Variants in TOM1L1 observed in about 807,000 individuals in gnomAD.
The protein encoded by TOM1L1 is target of myb1 like 1 membrane trafficking protein, also known as TOM1-like protein 1.
A neutral mutation model predicts 63.4 loss-of-function variants in TOM1L1; 64 were observed. The ratio of observed to expected loss-of-function variants is 1.01; its 90% confidence interval spans 0.83 to 1.24. TOM1L1 has a LOEUF of 1.24. Among genes scored for constraint, TOM1L1 ranks in the 50% most tolerant of loss-of-function variants. The pLI is 0.00. For missense variants in TOM1L1, 536 were observed against 567.0 expected (o/e 0.95, Z 0.55); for synonymous variants, 166 against 194.4 (o/e 0.85, Z 1.22).
intron 3 of TOM1L1, among the ~76,000 whole-genome samples, chr17:54,909,635 T>G (rs1009691420): frequency 2.2e-4 from 34 of 152,214 alleles, no homozygotes; most frequent in African/African-American, 8.2e-4. Flanking sequence ...ATGTTTCATT[T>G]GGGCCTTACA....
chr17:54,961,297 T>C lies in TOM1L1; in HGVS notation c.*64T>C. The C allele has an allele frequency of 6.4e-7, 1 of 1,551,578 alleles. No homozygotes were observed. ...TGCCAACTCTCTAAAACGTAGACTC[T>C]GTGCAGCTTTGAAGCCTGGAAGACA... On this transcript the variant is annotated 3_prime_UTR_variant, in exon 16 of 16. Transcript: ENST00000575882.
At chr17:54,956,471 A>C (rs1384492564) in intron 14 of TOM1L1, among the ~76,000 whole-genome samples, 2 of 151,860 alleles carry the variant, frequency 1.3e-5, no homozygotes, top group African/African-American at 4.8e-5. Flanking sequence ...ACGCCTGGCT[A>C]ATTTTTTTGT....
rs146898557 is a variant in TOM1L1, at chr17:54,906,418, G to A, written c.222+851G>A. Among the ~76,000 whole-genome samples the A allele has an allele frequency of 3.4e-3, 507 of 148,922 alleles. 2 individuals are homozygous for A. Among genetic ancestry groups the A allele is most frequent in the African/African-American group, 0.012 (475 of 40,366 alleles). Reference sequence around the variant, plus strand: ...TGGGAGGTGGAGATTGCGGTGAGTCGAGATCGCACCACTGTCCTCCAGTCC... The same window carrying A: ...TGGGAGGTGGAGATTGCGGTGAGTCAAGATCGCACCACTGTCCTCCAGTCC... On this transcript the variant is annotated intron_variant, in intron 3 of 15. Coordinates refer to ENST00000575882, the MANE Select transcript of TOM1L1 (RefSeq NM_005486.3).
chr17:54,922,344 C>T (rs912814076), intron 7 of TOM1L1, among the ~76,000 whole-genome samples: 12 of 152,042 alleles, frequency 7.9e-5, no homozygotes, highest in African/African-American at 2.9e-4. Flanking sequence ...CAGTGGCTTA[C>T]ACCTGTAATC....
At chr17:54,945,279 G>T (rs34047392) in intron 11 of TOM1L1, among the ~76,000 whole-genome samples, 1 of 151,862 alleles carries the variant, frequency 6.6e-6, no homozygotes, top group African/African-American at 2.4e-5. Context: ...AGTTACATTT[G>T]CAAAGACCAT....
chr17:54,940,255 C>T (rs1455967355), intron 11 of TOM1L1, among the ~76,000 whole-genome samples: 2 of 152,118 alleles, frequency 1.3e-5, no homozygotes, highest in Non-Finnish European at 2.9e-5. Flanking sequence ...TAAACATATG[C>T]AATGATGTTC....
chr17:54,937,001 C>T, intron 9 of TOM1L1, 108 bp from the exon 10 acceptor site: 1 of 944,554 alleles, frequency 1.1e-6, no homozygotes, highest in Non-Finnish European at 1.7e-6. Context: ...GAGAATTCTT[C>T]CTTAAAATGC....
intron 3 of TOM1L1, among the ~76,000 whole-genome samples, chr17:54,911,063 A>G (rs748666896): frequency 3.3e-5 from 5 of 152,144 alleles, no homozygotes; most frequent in Non-Finnish European, 7.4e-5. Context: ...TTAGAAATCT[A>G]CTTCCTGCAT....
intron 11 of TOM1L1, among the ~76,000 whole-genome samples, chr17:54,941,637 C>A (rs2049033933): frequency 1.3e-5 from 2 of 152,200 alleles, no homozygotes; most frequent in Admixed American, 6.5e-5. Context: ...CCCATTACAA[C>A]AAGTGTCTAT....
chr17:54,925,415 A>G (rs934580826), intron 7 of TOM1L1, among the ~76,000 whole-genome samples: 3 of 152,170 alleles, frequency 2.0e-5, no homozygotes, highest in African/African-American at 7.2e-5. Flanking sequence ...GCAAGAAGAC[A>G]GGGGATCTGG....
intron 14 of TOM1L1, chr17:54,953,705 T>G (rs1158611794): frequency 1.3e-5 from 2 of 152,324 alleles, no homozygotes; most frequent in African/African-American, 4.8e-5. Flanking sequence ...TCTGTAGGGC[T>G]GCCGCATCTT....
At chr17:54,930,350 G>C in intron 8 of TOM1L1, 144 bp downstream of exon 8, 1 of 1,160,564 alleles carries the variant, frequency 8.6e-7, no homozygotes, top group South Asian at 1.5e-5. Flanking sequence ...CATGTGGGGT[G>C]GGACAGTTTT....
chr17:54,950,163 C>G (rs747190035), intron 14 of TOM1L1, 37 bp downstream of exon 14: 1 of 1,533,986 alleles, frequency 6.5e-7, no homozygotes, highest in Non-Finnish European at 9.0e-7. Context: ...TATTTTTTGT[C>G]TTGGTTCCCT....
intron 11 of TOM1L1, among the ~76,000 whole-genome samples, chr17:54,943,434 G>T (rs1276288201): frequency 7.6e-6 from 1 of 131,070 alleles, no homozygotes; most frequent in African/African-American, 3.0e-5. Context: ...CTGTATCTTT[G>T]TATAATGGTG....
At position 54,960,669 on chromosome 17, in the gene TOM1L1, T is replaced by C. The variant is rs761595881; in HGVS notation, c.*1+42T>C. On this transcript the variant is annotated intron_variant, in intron 15 of 15. Coordinates refer to ENST00000575882, the MANE Select transcript of TOM1L1 (RefSeq NM_005486.3). ...ATACAACTTAATTCCATATTCCATA[T>C]AATTTCAGTATAATTATCACTTTAC... The C allele has an allele frequency of 1.1e-5, 16 of 1,405,122 alleles. No homozygotes were observed. In the South Asian group the frequency reaches 1.8e-4, roughly 16 times the overall value. The allele number at this position is 1,405,122 out of a possible 1,614,324, so 87.0% of individuals were successfully genotyped here.
chr17:54,912,811 TTAAGG>T lies in TOM1L1; in HGVS notation c.372+1_372+5del, dbSNP rs1195312726. The T allele has an allele frequency of 6.2e-6, 10 of 1,603,076 alleles. No individual in the cohort carries two copies. The highest frequency in any genetic ancestry group is 2.2e-5 in the East Asian group (1 of 44,652). On this transcript the variant is annotated splice_donor_variant and coding_sequence_variant, in exon 4 of 16. Transcript: ENST00000575882. LOFTEE classifies it high-confidence loss of function. ...ATTCAGAATAGAATCTTGAATTTCA[TTAAGG>T]TAAGTCTGTTGTATACCTCATGGGA...
chr17:54,945,769 GT>G (rs201104934), intron 11 of TOM1L1, among the ~76,000 whole-genome samples: 121 of 149,416 alleles, frequency 8.1e-4, no homozygotes, highest in African/African-American at 2.8e-3. Flanking sequence ...TATTTTTCAG[GT>G]TTTTTTTTCT....
At chr17:54,947,073 C>T (rs773648612) in intron 11 of TOM1L1, among the ~76,000 whole-genome samples, 188 bp from the exon 12 acceptor site, 3 of 152,194 alleles carry the variant, frequency 2.0e-5, no homozygotes, top group Non-Finnish European at 4.4e-5. Flanking sequence ...AGGGCTCCCA[C>T]CACCCATGGC....
chr17:54,926,751 G>A (rs892603151), intron 7 of TOM1L1, among the ~76,000 whole-genome samples: 1 of 152,204 alleles, frequency 6.6e-6, no homozygotes, highest in Non-Finnish European at 1.5e-5. Flanking sequence ...AGGACTGTCA[G>A]CATCTTTGAG....
Sources: gnomAD v4.1 joint callset for allele counts (sites outside exome capture counted in the v4.1 genomes callset) on GRCh38, gnomAD v4.1.1 for gene constraint, MANE v1.5 for transcripts, NCBI Gene and HGNC (gene_info 2026-07-23, HGNC 2026-07-21) for gene names.